The following EVI5 variants were observed in gnomAD, a reference collection of about 807,000 sequenced individuals.
EVI5 encodes ecotropic viral integration site 5.
EVI5 carries 73 observed loss-of-function variants against 112.0 expected under a neutral mutation model. The observed-to-expected ratio is 0.65, with a 90% CI of 0.54 to 0.79. The LOEUF (loss-of-function observed/expected upper bound fraction) is 0.79, where lower values mean the gene tolerates loss of function less well. Ranked by LOEUF, EVI5 falls within the 30% of genes least tolerant of loss-of-function variation. The pLI, the probability that EVI5 is intolerant of heterozygous loss-of-function variation, is 0.00. For missense variants in EVI5, 900 were observed against 968.8 expected (o/e 0.93, Z 0.94); for synonymous variants, 305 against 319.9 (o/e 0.95, Z 0.50).
At chr1:92,515,148 A>G (rs928906240) in intron 19 of EVI5, among the ~76,000 whole-genome samples, 3 of 152,192 alleles carry the variant, frequency 2.0e-5, no homozygotes, top group Non-Finnish European at 4.4e-5. Context: ...ATGAGGCTCT[A>G]GTCCTCAATC....
intron 14 of EVI5, among the ~76,000 whole-genome samples, chr1:92,629,664 T>C (rs1337557244): frequency 1.3e-5 from 2 of 150,762 alleles, no homozygotes; most frequent in Non-Finnish European, 1.5e-5. Flanking sequence ...TTCTTTTTTT[T>C]TCTTTTTTTC....
chr1:92,560,632 G>A (rs549245154), intron 19 of EVI5, among the ~76,000 whole-genome samples: 4 of 152,178 alleles, frequency 2.6e-5, no homozygotes, highest in Admixed American at 2.0e-4. Flanking sequence ...AGTGATCACG[G>A]TTCACTGCAG....
At chr1:92,714,911 G>A (rs1673381739) in intron 2 of EVI5, among the ~76,000 whole-genome samples, 1 of 152,060 alleles carries the variant, frequency 6.6e-6, no homozygotes, top group Admixed American at 6.5e-5. Context: ...ACTAAAGTCA[G>A]AGAGATGTTT....
At position 92,665,990 on chromosome 1, in the gene EVI5, C is replaced by T; in HGVS notation, c.1161G>A (p.Arg387=). The T allele has an allele frequency of 6.3e-7, 1 of 1,591,990 alleles. No individual in the cohort carries two copies. The highest frequency in any genetic ancestry group is 1.2e-5 in the South Asian group (1 of 86,148). The change falls in exon 11 of 20, where the codon AGG becomes AGA. Residue 387 remains arginine, a splice_region_variant and synonymous_variant. Coordinates refer to ENST00000684568, the MANE Select transcript of EVI5 (RefSeq NM_001350197.2). ...TTAAAAGTCTATTTTCTGTGCGTAA[C>T]CTCTGCCAAGAAAAAAAAAGTTTTA... ...KEMEEQVEIK[R]LRTENRLLKQ...
chr1:92,603,667 G>C (rs1041843707), intron 18 of EVI5, among the ~76,000 whole-genome samples: 2 of 144,688 alleles, frequency 1.4e-5, no homozygotes, highest in African/African-American at 4.9e-5. Context: ...CATTGTACAG[G>C]TGTATAAAAT....
At chr1:92,749,121 T>C (rs1013674616) in intron 1 of EVI5, 7 of 168,512 alleles carry the variant, frequency 4.2e-5, no homozygotes, top group Non-Finnish European at 7.4e-5. Context: ...TTATTCTTAA[T>C]AGCCAAATAG....
intron 2 of EVI5, among the ~76,000 whole-genome samples, chr1:92,706,326 T>A (rs1218651132): frequency 2.6e-5 from 4 of 152,180 alleles, no homozygotes; most frequent in Non-Finnish European, 5.9e-5. Flanking sequence ...CCGTAATATA[T>A]CTTATGGAAA....
intron 2 of EVI5, among the ~76,000 whole-genome samples, chr1:92,709,679 T>A (rs1013165703): frequency 6.6e-6 from 1 of 152,202 alleles, no homozygotes; most frequent in South Asian, 2.1e-4. Flanking sequence ...AACACTTGAA[T>A]TGATACCATG....
At chr1:92,741,243 T>A (rs756656257) in intron 1 of EVI5, among the ~76,000 whole-genome samples, 4 of 152,200 alleles carry the variant, frequency 2.6e-5, no homozygotes, top group Non-Finnish European at 5.9e-5. Flanking sequence ...GGCAATCTGG[T>A]TGGAGATTCC....
At chr1:92,791,874 T>C (rs1686127015) in intron 1 of EVI5, among the ~76,000 whole-genome samples, 1 of 152,228 alleles carries the variant, frequency 6.6e-6, no homozygotes, top group African/African-American at 2.4e-5. Context: ...TCTGAAATCA[T>C]TGAGAGGCCA....
At chr1:92,567,578 G>A (rs1669692483) in intron 18 of EVI5, among the ~76,000 whole-genome samples, 1 of 151,996 alleles carries the variant, frequency 6.6e-6, no homozygotes, top group Non-Finnish European at 1.5e-5. Context: ...GTAACATGTT[G>A]TATAGGTTTG....
chr1:92,712,532 A>G (rs1673001128), intron 2 of EVI5, among the ~76,000 whole-genome samples: 1 of 152,184 alleles, frequency 6.6e-6, no homozygotes, highest in African/African-American at 2.4e-5. Flanking sequence ...GTTGCCACAG[A>G]AAAGGTAATA....
intron 19 of EVI5, among the ~76,000 whole-genome samples, chr1:92,529,464 T>C (rs1043741072): frequency 6.6e-6 from 1 of 152,240 alleles, no homozygotes; most frequent in African/African-American, 2.4e-5. Flanking sequence ...AACCTAATGT[T>C]TGATTATTTT....
At chr1:92,612,726 GAAAA>G (rs11290213) in intron 16 of EVI5, among the ~76,000 whole-genome samples, 1 of 109,778 alleles carries the variant, frequency 9.1e-6, no homozygotes. Flanking sequence ...AAAAAAAAAG[GAAAA>G]AAAAAAAAAA....
At chr1:92,652,598 T>C (rs1006478898) in intron 13 of EVI5, among the ~76,000 whole-genome samples, 2 of 152,338 alleles carry the variant, frequency 1.3e-5, no homozygotes, top group African/African-American at 4.8e-5. Flanking sequence ...CCCACATTTA[T>C]TGCAACACTA....
upstream of EVI5, among the ~76,000 whole-genome samples, chr1:92,789,342 G>A (rs543172015): frequency 5.1e-4 from 77 of 150,564 alleles, no homozygotes; most frequent in East Asian, 1.8e-3. Flanking sequence ...TCGCTCCGTC[G>A]CCCAGGCTGG....
At chr1:92,785,407 C>T (rs1488203112), upstream of EVI5, among the ~76,000 whole-genome samples, 4 of 152,234 alleles carry the variant, frequency 2.6e-5, no homozygotes, top group African/African-American at 4.8e-5. Context: ...CTGCAGGCCT[C>T]GCGCTGCCGC....
At chr1:92,754,096 A>G (rs1340288031) in intron 1 of EVI5, among the ~76,000 whole-genome samples, 1 of 152,234 alleles carries the variant, frequency 6.6e-6, no homozygotes, top group African/African-American at 2.4e-5. Context: ...TAGCATTAGT[A>G]GCTGAGAGGC....
At chr1:92,720,696 G>GCTT (rs1674592056) in intron 2 of EVI5, among the ~76,000 whole-genome samples, 1 of 152,100 alleles carries the variant, frequency 6.6e-6, no homozygotes, top group Admixed American at 6.5e-5. Context: ...AAACTAAAGA[G>GCTT]CTTCTGCACA....
Sources: allele counts gnomAD v4.1 joint callset (sites outside exome capture counted in the v4.1 genomes callset), GRCh38; gene constraint gnomAD v4.1.1; transcripts MANE v1.5; gene names NCBI Gene and HGNC (gene_info 2026-07-23, HGNC 2026-07-21).